TTLL5: variants seen among roughly 807,000 people sequenced by gnomAD.
TTLL5 encodes the protein tubulin tyrosine ligase like 5, also known as tubulin polyglutamylase TTLL5.
TTLL5 carries 132 observed loss-of-function variants against 168.4 expected under a neutral mutation model. The ratio of observed to expected loss-of-function variants is 0.78; its 90% confidence interval spans 0.68 to 0.91. The LOEUF (loss-of-function observed/expected upper bound fraction) is 0.91, where lower values mean the gene tolerates loss of function less well. Among genes scored for constraint, TTLL5 ranks in the 40% least tolerant of loss-of-function variants. TTLL5 has a pLI of 0.00. For missense variants in TTLL5, 1,545 were observed against 1,581.5 expected (o/e 0.98, Z 0.39); for synonymous variants, 546 against 558.6 (o/e 0.98, Z 0.32).
intron 31 of TTLL5, among the ~76,000 whole-genome samples, chr14:75,906,024 A>G (rs1369425233): frequency 4.6e-5 from 7 of 152,200 alleles, no homozygotes; most frequent in Non-Finnish European, 1.0e-4. Context: ...AAAATGTACT[A>G]TAGCTTTGTG....
In TTLL5 at chr14:75,759,321, C is replaced by T. The variant is rs551664710; in HGVS notation, c.1551-5294C>T. On this transcript the variant is annotated intron_variant, in intron 18 of 31. Transcript: ENST00000298832. ...TGGTGGGAAAGTTGGGGGCAACACC[C>T]AAACTGATACCAGCTGAAGTAGAAA... 4.4e-4 allele frequency among the ~76,000 whole-genome samples: 67 copies of T among 152,146 alleles called. 1 individual carries two copies. In the South Asian group the frequency reaches 6.0e-3, roughly 14 times the overall value.
At chr14:75,722,177 T>C (rs1271850687) in intron 12 of TTLL5, among the ~76,000 whole-genome samples, 1 of 152,198 alleles carries the variant, frequency 6.6e-6, no homozygotes, top group African/African-American at 2.4e-5. Context: ...AAAACTCTCC[T>C]TCTGTCTCTG....
Position 75,681,539 on chromosome 14 carries a change from C to T in TTLL5, c.182-6C>T. 6.2e-7 allele frequency: 1 copy of T among 1,611,336 alleles called. No individual in the cohort carries two copies. Among genetic ancestry groups the T allele is most frequent in the African/African-American group, 1.3e-5 (1 of 74,972 alleles). On this transcript the variant is annotated splice_polypyrimidine_tract_variant and splice_region_variant and intron_variant, in intron 3 of 31. Transcript: ENST00000298832. Reference sequence around the variant, plus strand: ...AGTTACTGAACTTGATTCTGTTTTTCTTTAGAACGTTATCATTTGTCTTAT... The same window carrying T: ...AGTTACTGAACTTGATTCTGTTTTTTTTTAGAACGTTATCATTTGTCTTAT...
At chr14:75,769,943 C>G (rs1891181059) in intron 20 of TTLL5, among the ~76,000 whole-genome samples, 1 of 151,950 alleles carries the variant, frequency 6.6e-6, no homozygotes, top group Admixed American at 6.6e-5. Flanking sequence ...CTTTGGGAGG[C>G]TGAGGTGGGT....
At chr14:75,737,780 A>G (rs889523367) in intron 15 of TTLL5, among the ~76,000 whole-genome samples, 1 of 152,212 alleles carries the variant, frequency 6.6e-6, no homozygotes, top group African/African-American at 2.4e-5. Flanking sequence ...GTTATAGGAT[A>G]TAAGAGTAGA....
intron 29 of TTLL5, among the ~76,000 whole-genome samples, chr14:75,867,412 A>T (rs568041657): frequency 2.1e-4 from 32 of 152,292 alleles, no homozygotes; most frequent in African/African-American, 7.0e-4. Flanking sequence ...CCACTTAAGC[A>T]CTTGCTGTGT....
At chr14:75,835,146 C>T (rs888116993) in intron 28 of TTLL5, among the ~76,000 whole-genome samples, 27 of 152,194 alleles carry the variant, frequency 1.8e-4, no homozygotes, top group African/African-American at 6.5e-4. Context: ...ACTCAGCTGG[C>T]CAAAAACCTG....
intron 31 of TTLL5, among the ~76,000 whole-genome samples, chr14:75,903,596 T>C (rs903888739): frequency 7.9e-5 from 12 of 151,888 alleles, no homozygotes; most frequent in Non-Finnish European, 1.8e-4. Flanking sequence ...CACCTTAAAA[T>C]GATTACAAGA....
chr14:75,942,045 TG>T (rs1160633378), intron 31 of TTLL5, among the ~76,000 whole-genome samples: 1 of 151,802 alleles, frequency 6.6e-6, no homozygotes, highest in Non-Finnish European at 1.5e-5. Flanking sequence ...GCCAGGTGTG[TG>T]GTGGCTGGTG....
intron 28 of TTLL5, among the ~76,000 whole-genome samples, chr14:75,846,624 C>T (rs1327739336): frequency 6.6e-6 from 1 of 151,968 alleles, no homozygotes; most frequent in African/African-American, 2.4e-5. Context: ...AACCCTGTCT[C>T]TACTAAAAAT....
intron 28 of TTLL5, among the ~76,000 whole-genome samples, chr14:75,827,738 T>TTTTTTTA (rs869130863): frequency 1.4e-5 from 1 of 73,770 alleles, no homozygotes; most frequent in East Asian, 3.6e-4. Flanking sequence ...TTTTTTTTTT[T>TTTTTTTA]GAAACAAGGT....
chr14:75,775,290 A>C (rs1208219313), intron 21 of TTLL5, among the ~76,000 whole-genome samples, 194 bp from the exon 22 acceptor site: 1 of 152,102 alleles, frequency 6.6e-6, no homozygotes, highest in East Asian at 1.9e-4. Flanking sequence ...GAGGGAAGGG[A>C]ATAAGTTTCT....
At chr14:75,942,620 A>G (rs2034646155) in intron 31 of TTLL5, among the ~76,000 whole-genome samples, 2 of 152,222 alleles carry the variant, frequency 1.3e-5, no homozygotes, top group South Asian at 4.1e-4. Context: ...TGAGCACGAC[A>G]TGTGAATCTG....
At chr14:75,783,931 A>G (rs1319156385) in intron 26 of TTLL5, among the ~76,000 whole-genome samples, 1 of 152,214 alleles carries the variant, frequency 6.6e-6, no homozygotes, top group Non-Finnish European at 1.5e-5. Context: ...TAACCAAAGA[A>G]TTCTTAGAAT....
chr14:75,740,867 T>A (rs1264311024), intron 15 of TTLL5, among the ~76,000 whole-genome samples: 1 of 152,238 alleles, frequency 6.6e-6, no homozygotes, highest in Non-Finnish European at 1.5e-5. Flanking sequence ...TTCCAAACTT[T>A]GTAAAACTGC....
In TTLL5 at chr14:75,710,561, A is replaced by G; in HGVS notation, c.740+2854A>G. On this transcript the variant is annotated intron_variant, in intron 9 of 31. Coordinates refer to ENST00000298832, the MANE Select transcript of TTLL5 (RefSeq NM_015072.5). ...GGTTTACCTGAAAGTGTAGGTGAAT[A>G]TAAAAGCTTTATCAAAGCTTTACAA... 2 of 152,244 alleles carry G rather than the reference A, an allele frequency of 1.3e-5. 1 individual carries two copies. Among genetic ancestry groups the G allele is most frequent in the Middle Eastern group, 6.3e-3 (2 of 316 alleles). The allele number at this position is 152,244 out of a possible 1,614,324, so 9.4% of individuals were successfully genotyped here.
intron 3 of TTLL5, among the ~76,000 whole-genome samples, chr14:75,673,849 C>T (rs1883938239): frequency 6.6e-6 from 1 of 152,142 alleles, no homozygotes. Flanking sequence ...TGCCAAGTTA[C>T]CATTTAAAGG....
Position 75,776,750 on chromosome 14 carries a change from A to G in TTLL5, c.2287A>G (p.Thr763Ala). 3 of 1,613,522 alleles carry G rather than the reference A, an allele frequency of 1.9e-6. No individual in the cohort carries two copies. Among genetic ancestry groups the G allele is most frequent in the Non-Finnish European group, 2.5e-6 (3 of 1,179,644 alleles). Reference protein sequence around the residue: ...GDFIIVYNKETEQMAEKKSKK... With the variant: ...GDFIIVYNKEAEQMAEKKSKK... Reference sequence around the variant, plus strand: ...GTGGGGTTTGGGCACTGGGTAGGAAACAGAACAAATGGCTGAAAAGAAATC... The same window carrying G: ...GTGGGGTTTGGGCACTGGGTAGGAAGCAGAACAAATGGCTGAAAAGAAATC... The change falls in exon 23 of 32, where the codon ACA becomes GCA. Residue 763 changes from threonine to alanine, a missense_variant. Transcript: ENST00000298832.
At chr14:75,817,488 T>G (rs1894499190) in intron 27 of TTLL5, among the ~76,000 whole-genome samples, 1 of 152,206 alleles carries the variant, frequency 6.6e-6, no homozygotes, top group Admixed American at 6.5e-5. Context: ...TCCTTTGGTG[T>G]AAAGACACAG....
Sources: allele counts gnomAD v4.1 joint callset (sites outside exome capture counted in the v4.1 genomes callset), GRCh38; gene constraint gnomAD v4.1.1; transcripts MANE v1.5; gene names NCBI Gene and HGNC (gene_info 2026-07-23, HGNC 2026-07-21).